PCDHGB5: variants seen among roughly 807,000 people sequenced by gnomAD.
The protein encoded by PCDHGB5 is protocadherin gamma subfamily B, 5, also known as protocadherin gamma-B5.
A neutral mutation model predicts 62.9 loss-of-function variants in PCDHGB5; 48 were observed. That is an observed-to-expected ratio of 0.76 (90% confidence interval 0.61 to 0.97). The LOEUF (loss-of-function observed/expected upper bound fraction) is 0.97. Among genes scored for constraint, PCDHGB5 ranks in the 50% least tolerant of loss-of-function variants. The pLI, the probability that PCDHGB5 is intolerant of heterozygous loss-of-function variation, is 0.00. For synonymous variants in PCDHGB5, 474 were observed against 511.2 expected (o/e 0.93, Z 0.98); for missense variants, 1,118 against 1,198.6 (o/e 0.93, Z 0.99).
intron 1 of PCDHGB5, among the ~76,000 whole-genome samples, chr5:141,460,640 TGTTTACACATA>T (rs2098994223): frequency 6.6e-6 from 1 of 152,096 alleles, no homozygotes; most frequent in Admixed American, 6.6e-5. Flanking sequence ...TATATAACTG[TGTTTACACATA>T]TGTAACTGTA....
Position 141,399,398 on chromosome 5 carries a change from G to T in PCDHGB5, c.1271G>T (p.Gly424Val), listed in dbSNP as rs1374441258. 2.5e-6 allele frequency: 4 copies of T among 1,613,854 alleles called. No homozygotes were observed. Among genetic ancestry groups the T allele is most frequent in the Non-Finnish European group, 3.4e-6 (4 of 1,179,888 alleles). ...GTCACCATCACAGCCACAGACAGGG[G>T]CAAGCCGCCCCTCTCCTCCAGCATA... ...YNVTITATDR[G>V]KPPLSSSISV... The change falls in exon 1 of 4, where the codon GGC becomes GTC. Residue 424 changes from glycine to valine, a missense_variant. Coordinates refer to ENST00000617380, the MANE Select transcript of PCDHGB5 (RefSeq NM_018925.3).
rs147522770 is a variant in PCDHGB5, at chr5:141,504,573, C to T, written c.2457-820C>T. On this transcript the variant is annotated intron_variant, in intron 2 of 3. Coordinates refer to ENST00000617380, the MANE Select transcript of PCDHGB5 (RefSeq NM_018925.3). ...TGGGGGACTGGCATTCTAGGGAACA[C>T]CATCTGCCCAGGATTCACAGCAAGA... Among the ~76,000 whole-genome samples the T allele has an allele frequency of 5.4e-5, 8 of 148,158 alleles. No individual in the cohort carries two copies. In the East Asian group the frequency reaches 1.6e-3, roughly 30 times the overall value.
intron 2 of PCDHGB5, among the ~76,000 whole-genome samples, chr5:141,500,793 A>G (rs1245472175): frequency 6.6e-6 from 1 of 152,210 alleles, no homozygotes; most frequent in Non-Finnish European, 1.5e-5. Context: ...ATTTTACAGA[A>G]TAAGTCCTCA....
chr5:141,413,850 C>G (rs2095685833), intron 1 of PCDHGB5: 3 of 1,613,244 alleles, frequency 1.9e-6, no homozygotes, highest in East Asian at 2.2e-5. Context: ...GTGACCCTCT[C>G]CGATCTGGCA....
At position 141,476,994 on chromosome 5, in the gene PCDHGB5, A is replaced by T; in HGVS notation, c.2398-17813A>T. 6.2e-7 allele frequency: 1 copy of T among 1,614,260 alleles called. No individual in the cohort carries two copies. The highest frequency in any genetic ancestry group is 2.2e-5 in the East Asian group (1 of 44,884). On this transcript the variant is annotated intron_variant, in intron 1 of 3. Transcript: ENST00000617380. This position sits in a 1 kb window ranked among gnomAD's most constrained non-coding sequence, Gnocchi z 7.6. ...AGCCACAACCGCGCCGGCGTGCGGC[A>T]ACTATTCGCCTTAGACCTTGTAACC...
chr5:141,450,633 C>T (rs751572851), intron 1 of PCDHGB5, among the ~76,000 whole-genome samples: 2 of 149,416 alleles, frequency 1.3e-5, no homozygotes, highest in East Asian at 2.0e-4. Flanking sequence ...ATTACAGATG[C>T]CTGCCACCAT....
intron 1 of PCDHGB5, among the ~76,000 whole-genome samples, chr5:141,454,985 A>G (rs1292477757): frequency 1.3e-5 from 2 of 150,314 alleles, no homozygotes; most frequent in African/African-American, 4.9e-5. Context: ...TTTTTTAAAA[A>G]ATATTTTTAG....
chr5:141,431,658 C>T lies in PCDHGB5; in HGVS notation c.2397+31134C>T, dbSNP rs1283381348. 6.2e-7 allele frequency: 1 copy of T among 1,614,088 alleles called. No individual in the cohort carries two copies. ...TTCAAACTAGATTGTAATTCAGGGA[C>T]AATATCAACAATAGGGGAGTTGGAC... On this transcript the variant is annotated intron_variant, in intron 1 of 3. Transcript: ENST00000617380. The surrounding 1 kb of genome is among the most constrained non-coding windows in gnomAD (Gnocchi z 4.8).
chr5:141,420,028 A>C, intron 1 of PCDHGB5: 2 of 1,614,076 alleles, frequency 1.2e-6, no homozygotes, highest in Non-Finnish European at 1.7e-6. Flanking sequence ...GCCCTACTGC[A>C]GGAGACTGCT....
At chr5:141,419,053 T>C in intron 1 of PCDHGB5, 1 of 1,613,954 alleles carries the variant, frequency 6.2e-7, no homozygotes, top group South Asian at 1.1e-5. Context: ...ATTCTTCTTC[T>C]AATAATTACT....
intron 1 of PCDHGB5, chr5:141,415,899 G>A (rs1224954481): frequency 1.2e-6 from 1 of 869,552 alleles, no homozygotes; most frequent in Non-Finnish European, 1.6e-6. Flanking sequence ...TCCTAAGACA[G>A]ACTTCCATAC....
chr5:141,459,289 A>G (rs2098965378), intron 1 of PCDHGB5, among the ~76,000 whole-genome samples: 1 of 152,216 alleles, frequency 6.6e-6, no homozygotes, highest in Non-Finnish European at 1.5e-5. Flanking sequence ...ATCTAAATGG[A>G]ATCCTATAAC....
In PCDHGB5 at chr5:141,485,441, A is replaced by G. The variant is rs1562105312; in HGVS notation, c.2398-9366A>G. ...CGGAGCCCTGCTCATCAAGAACCCA[A>G]TCGACCGAGAGGCACTGTGTGGGCT... On this transcript the variant is annotated intron_variant, in intron 1 of 3. Transcript: ENST00000617380. The surrounding 1 kb of genome is among the most constrained non-coding windows in gnomAD (Gnocchi z 5.7). 3 of 1,613,910 alleles carry G rather than the reference A, an allele frequency of 1.9e-6. No homozygotes were observed. Among genetic ancestry groups the G allele is most frequent in the South Asian group, 1.1e-5 (1 of 91,062 alleles).
In PCDHGB5 at chr5:141,493,269, C is replaced by T. The variant is rs142898207; in HGVS notation, c.2398-1538C>T. ...ACATGCCTCTCTTATAACAGCTTCA[C>T]AGAGGTCAAGTGACTTGCTCAAGTT... is the stretch of plus-strand genomic sequence containing the variant. On this transcript the variant is annotated intron_variant, in intron 1 of 3. Coordinates refer to ENST00000617380, the MANE Select transcript of PCDHGB5 (RefSeq NM_018925.3). This position sits in a 1 kb window ranked among gnomAD's most constrained non-coding sequence, Gnocchi z 4.3. Among the ~76,000 whole-genome samples the T allele has an allele frequency of 1.3e-5, 2 of 152,322 alleles. No individual in the cohort carries two copies. The highest frequency in any genetic ancestry group is 4.8e-5 in the African/African-American group (2 of 41,570).
chr5:141,491,247 G>A lies in PCDHGB5; in HGVS notation c.2398-3560G>A, dbSNP rs1356752106. ...CAGTGCTGCTGGTTCTGGAGGATGA[G>A]GACCCTGAGGAAATGCCCAAATCCA... On this transcript the variant is annotated intron_variant, in intron 1 of 3. Coordinates refer to ENST00000617380, the MANE Select transcript of PCDHGB5 (RefSeq NM_018925.3). The surrounding 1 kb of genome is among the most constrained non-coding windows in gnomAD (Gnocchi z 6.9). The A allele has an allele frequency of 3.2e-5, 51 of 1,614,192 alleles. No individual in the cohort carries two copies. The highest frequency in any genetic ancestry group is 4.3e-5 in the Non-Finnish European group (51 of 1,180,018).
chr5:141,416,031 C>G (rs1301059596), intron 1 of PCDHGB5: 1 of 207,362 alleles, frequency 4.8e-6, no homozygotes, highest in Non-Finnish European at 9.4e-6. Context: ...AGAAAGAAAT[C>G]ACCTCTGGAA....
chr5:141,400,235 T>G lies in PCDHGB5; in HGVS notation c.2108T>G (p.Val703Gly). 4 of 1,614,006 alleles carry G rather than the reference T, an allele frequency of 2.5e-6. No homozygotes were observed. The highest frequency in any genetic ancestry group is 3.4e-6 in the Non-Finnish European group (4 of 1,179,886). The change falls in exon 1 of 4, where the codon GTG becomes GGG. Residue 703 changes from valine to glycine, a missense_variant. This residue lies in a region of PCDHGB5 where 1,034 missense variants were observed against 1,029.1 expected (regional missense o/e 1.00). Coordinates refer to ENST00000617380, the MANE Select transcript of PCDHGB5 (RefSeq NM_018925.3). ...ALISVLFLLA[V>G]ILAVALRLRR... ...ATCTCAGTGCTCTTCCTCCTGGCCGTGATTCTGGCCGTTGCCTTGCGCCTG... is the reference window on the plus strand; with the variant it reads ...ATCTCAGTGCTCTTCCTCCTGGCCGGGATTCTGGCCGTTGCCTTGCGCCTG...
Position 141,487,831 on chromosome 5 carries a change from A to G in PCDHGB5, c.2398-6976A>G, listed in dbSNP as rs1001896359. ...TTAGCATTGGGGGCGGGTCATGCCTATATCTGAGTAAGAAATGAAAGTAAT... is the reference window on the plus strand; with the variant it reads ...TTAGCATTGGGGGCGGGTCATGCCTGTATCTGAGTAAGAAATGAAAGTAAT... On this transcript the variant is annotated intron_variant, in intron 1 of 3. Transcript: ENST00000617380. This position sits in a 1 kb window ranked among gnomAD's most constrained non-coding sequence, Gnocchi z 5.0. The G allele has an allele frequency of 1.1e-5, 13 of 1,144,204 alleles. No homozygotes were observed. Among genetic ancestry groups the G allele is most frequent in the Non-Finnish European group, 1.6e-5 (13 of 818,302 alleles). 70.9% of individuals were successfully genotyped at this position (1,144,204 alleles called of 1,614,324 possible). A position where few individuals can be genotyped will look rare whatever the true frequency, so the allele number is the denominator to read the frequency against.
chr5:141,503,547 C>T (rs545918096), intron 2 of PCDHGB5, among the ~76,000 whole-genome samples: 22 of 147,734 alleles, frequency 1.5e-4, no homozygotes, highest in African/African-American at 4.8e-4. Flanking sequence ...TGCAGTGAGC[C>T]GAGATCGCGC....
Sources: gnomAD v4.1 joint callset for allele counts (sites outside exome capture counted in the v4.1 genomes callset) on GRCh38, gnomAD v4.1.1 for gene constraint, gnomAD v4.1.1 regional missense constraint, Gnocchi (gnomAD v3.1) non-coding constraint, MANE v1.5 for transcripts, NCBI Gene and HGNC (gene_info 2026-07-23, HGNC 2026-07-21) for gene names.